PDE3A: variants seen among roughly 807,000 people sequenced by gnomAD.
PDE3A encodes the protein phosphodiesterase 3A.
PDE3A carries 43 observed loss-of-function variants against 98.3 expected under a neutral mutation model. The ratio of observed to expected loss-of-function variants is 0.44; its 90% CI spans 0.34 to 0.56. The LOEUF (loss-of-function observed/expected upper bound fraction) is 0.56, where lower values mean the gene tolerates loss of function less well. Ranked by LOEUF, PDE3A falls within the 20% of genes least tolerant of loss-of-function variation. PDE3A has a pLI of 0.01. For missense variants in PDE3A, 1,427 were observed against 1,440.7 expected, an observed-to-expected ratio of 0.99 and a Z score of 0.15; for synonymous variants, 663 against 567.9, an observed-to-expected ratio of 1.17 and a Z score of -2.38.
chr12:20,680,061 C>T lies in PDE3A; in HGVS notation c.3216C>T (p.Tyr1072=). 1 of 1,602,376 alleles carries T rather than the reference C, an allele frequency of 6.2e-7. No homozygotes were observed. The highest frequency in any genetic ancestry group is 8.5e-7 in the Non-Finnish European group (1 of 1,170,720). ...AGACTTTCAAAAGGAGAAAAATCTA[C>T]TGCCAAATAACTCAGCACCTCTTAC... is the stretch of plus-strand genomic sequence containing the variant. ...KKKTFKRRKI[Y]CQITQHLLQN... Residue 1072 remains tyrosine, a synonymous_variant, in exon 16 of 16, where the codon TAC becomes TAT. Coordinates refer to ENST00000359062, the MANE Select transcript of PDE3A (RefSeq NM_000921.5).
chr12:20,643,418 C>G (rs1944691612), intron 10 of PDE3A, among the ~76,000 whole-genome samples: 1 of 152,104 alleles, frequency 6.6e-6, no homozygotes, highest in Non-Finnish European at 1.5e-5. Flanking sequence ...GAATTAATGA[C>G]AAGAACAATG....
intron 15 of PDE3A, among the ~76,000 whole-genome samples, chr12:20,662,391 AG>A (rs1322161507): frequency 6.6e-6 from 1 of 152,216 alleles, no homozygotes; most frequent in Non-Finnish European, 1.5e-5. Context: ...GCAGAGCCAC[AG>A]GGGCAAAGCT....
chr12:20,443,042 C>A (rs1247436195), intron 1 of PDE3A, among the ~76,000 whole-genome samples: 1 of 150,912 alleles, frequency 6.6e-6, no homozygotes, highest in Non-Finnish European at 1.5e-5. Context: ...TTGAATGAGT[C>A]AAAATTCTAC....
At chr12:20,509,657 T>G (rs1228587718) in intron 1 of PDE3A, among the ~76,000 whole-genome samples, 1 of 152,114 alleles carries the variant, frequency 6.6e-6, no homozygotes, top group African/African-American at 2.4e-5. Context: ...AGCTCTGAAA[T>G]TATTGTAGCC....
At chr12:20,558,633 G>T (rs1942431248) in intron 2 of PDE3A, among the ~76,000 whole-genome samples, 1 of 151,418 alleles carries the variant, frequency 6.6e-6, no homozygotes, top group South Asian at 2.1e-4. Context: ...GAAATTTCAG[G>T]TAGATAAATT....
chr12:20,646,660 GTTT>G (rs1944784189), intron 11 of PDE3A, 57 bp downstream of exon 11: 1 of 1,421,442 alleles, frequency 7.0e-7, no homozygotes, highest in Non-Finnish European at 9.9e-7. Flanking sequence ...GGGTGTTTTT[GTTT>G]TTGTTTTTTT....
intron 8 of PDE3A, among the ~76,000 whole-genome samples, chr12:20,636,300 C>G (rs146126032): frequency 2.0e-5 from 3 of 152,264 alleles, no homozygotes; most frequent in African/African-American, 7.2e-5. Flanking sequence ...AAACTGTTGA[C>G]TCTCAAGTGA....
chr12:20,631,832 A>G (rs980298677), intron 6 of PDE3A, among the ~76,000 whole-genome samples: 3 of 149,718 alleles, frequency 2.0e-5, no homozygotes, highest in African/African-American at 4.9e-5. Flanking sequence ...TGTGTGTTTT[A>G]TTTGTTTGGG....
chr12:20,457,236 GTTA>G (rs1041430966), intron 1 of PDE3A, among the ~76,000 whole-genome samples: 2 of 150,800 alleles, frequency 1.3e-5, no homozygotes, highest in Admixed American at 6.6e-5. Context: ...TCTATTTATT[GTTA>G]TTATTATTAT....
chr12:20,636,361 A>T (rs1034243629), intron 8 of PDE3A, among the ~76,000 whole-genome samples: 5 of 152,072 alleles, frequency 3.3e-5, no homozygotes, highest in Admixed American at 3.3e-4. Context: ...TACTGTTTGT[A>T]TTTCTAAGTC....
At chr12:20,617,219 T>C (rs978493907) in intron 4 of PDE3A, among the ~76,000 whole-genome samples, 2 of 152,302 alleles carry the variant, frequency 1.3e-5, no homozygotes, top group African/African-American at 4.8e-5. Context: ...TCCTGATCGT[T>C]AGCCTGGGAT....
intron 1 of PDE3A, among the ~76,000 whole-genome samples, chr12:20,416,855 G>A (rs1176616289): frequency 6.6e-6 from 1 of 151,982 alleles, no homozygotes; most frequent in Non-Finnish European, 1.5e-5. Context: ...CTTCCTTTAG[G>A]AACAGATACT....
intron 1 of PDE3A, among the ~76,000 whole-genome samples, chr12:20,428,342 C>A (rs943059870): frequency 3.9e-5 from 6 of 152,036 alleles, no homozygotes; most frequent in Non-Finnish European, 7.4e-5. Flanking sequence ...TGCAGAGGTG[C>A]GATCTCCACT....
At chr12:20,488,199 G>A (rs769434640) in intron 1 of PDE3A, among the ~76,000 whole-genome samples, 6 of 151,504 alleles carry the variant, frequency 4.0e-5, no homozygotes, top group Non-Finnish European at 7.4e-5. Flanking sequence ...TCTTTTTCAC[G>A]TACTCTACCA....
chr12:20,455,547 C>T (rs180958960), intron 1 of PDE3A, among the ~76,000 whole-genome samples: 1 of 152,238 alleles, frequency 6.6e-6, no homozygotes, highest in African/African-American at 2.4e-5. Context: ...GCACCAGATG[C>T]TTGCCAAATA....
At chr12:20,387,591 T>A (rs539565496) in intron 1 of PDE3A, among the ~76,000 whole-genome samples, 5 of 151,976 alleles carry the variant, frequency 3.3e-5, no homozygotes, top group African/African-American at 4.8e-5. Flanking sequence ...TCCCAGGTCT[T>A]TTTATAGAGG....
At chr12:20,469,300 G>A (rs757349735) in intron 1 of PDE3A, among the ~76,000 whole-genome samples, 1 of 152,086 alleles carries the variant, frequency 6.6e-6, no homozygotes, top group Non-Finnish European at 1.5e-5. Context: ...AAACATCCAA[G>A]ATCCATTTTT....
At chr12:20,481,550 G>C (rs1945625870) in intron 1 of PDE3A, among the ~76,000 whole-genome samples, 1 of 151,912 alleles carries the variant, frequency 6.6e-6, no homozygotes, top group African/African-American at 2.4e-5. Flanking sequence ...GGGTACTATA[G>C]GACCTACTCT....
chr12:20,520,072 C>G (rs147916285), intron 1 of PDE3A, among the ~76,000 whole-genome samples: 1 of 152,082 alleles, frequency 6.6e-6, no homozygotes, highest in Non-Finnish European at 1.5e-5. Context: ...GTATGTTTAA[C>G]GCTAAAGCCT....
Sources: gnomAD v4.1 joint callset for allele counts (sites outside exome capture counted in the v4.1 genomes callset) on GRCh38, gnomAD v4.1.1 for gene constraint, MANE v1.5 for transcripts, NCBI Gene and HGNC (gene_info 2026-07-23, HGNC 2026-07-21) for gene names.